Variants in WASHC5 observed in about 807,000 individuals in gnomAD.
WASHC5 encodes the protein WASH complex subunit 5.
A neutral mutation model predicts 150.4 loss-of-function variants in WASHC5; 101 were observed. The observed-to-expected ratio is 0.67, with a 90% confidence interval of 0.57 to 0.79. The LOEUF (loss-of-function observed/expected upper bound fraction) is 0.79. WASHC5 is among the 30% of genes least tolerant of loss of function. The pLI is 0.00. For synonymous variants in WASHC5, 467 were observed against 491.2 expected (o/e 0.95, Z 0.65); for missense variants, 1,195 against 1,396.3 (o/e 0.86, Z 2.30).
intron 1 of WASHC5, among the ~76,000 whole-genome samples, chr8:125,090,695 C>T (rs72720529): frequency 0.099 from 15,064 of 152,184 alleles, 809 homozygotes; most frequent in African/African-American, 0.12. Flanking sequence ...AATAATATTT[C>T]TTAAGGAAAT....
At chr8:125,058,830 C>T (rs4355790) in intron 14 of WASHC5, among the ~76,000 whole-genome samples, 16,984 of 152,106 alleles carry the variant, frequency 0.11, 2,233 homozygotes, top group African/African-American at 0.31. Context: ...ACCAATATTC[C>T]CTGTTACTGT....
chr8:125,061,343 C>G lies in WASHC5; in HGVS notation c.1409-149G>C, dbSNP rs1415152541. On this transcript the variant is annotated intron_variant, in intron 11 of 28. Transcript: ENST00000318410. ...GGAATTTTCCAAACGACAAAAATGC[C>G]TGGAGCATGCGACATAGTAGAATAA... The G allele has an allele frequency of 8.5e-6, 5 of 590,106 alleles. No homozygotes were observed. In the Admixed American group the frequency reaches 1.3e-4, roughly 16 times the overall value. The allele number at this position is 590,106 out of a possible 1,614,324, so 36.6% of individuals were successfully genotyped here.
intron 9 of WASHC5, among the ~76,000 whole-genome samples, chr8:125,072,185 T>C (rs1816915310): frequency 6.6e-6 from 1 of 151,570 alleles, no homozygotes; most frequent in African/African-American, 2.4e-5. Flanking sequence ...TACAAAAAAA[T>C]ACAAAAAACT....
intron 3 of WASHC5, 159 bp downstream of exon 3, chr8:125,082,954 A>G (rs531315172): frequency 3.6e-6 from 2 of 559,974 alleles, no homozygotes; most frequent in African/African-American, 3.8e-5. Context: ...CAAAATTCTT[A>G]AGATGACCAG....
At chr8:125,042,805 ATATC>A (rs1420435826) in intron 23 of WASHC5, among the ~76,000 whole-genome samples, 1 of 152,156 alleles carries the variant, frequency 6.6e-6, no homozygotes, top group Non-Finnish European at 1.5e-5. Context: ...TCACGAGAGG[ATATC>A]TAGCAGAGCC....
intron 14 of WASHC5, among the ~76,000 whole-genome samples, chr8:125,058,250 G>T (rs1037775452): frequency 2.0e-5 from 3 of 152,020 alleles, no homozygotes; most frequent in African/African-American, 7.2e-5. Context: ...GTTAAAATAT[G>T]AAAAGAATTG....
intron 17 of WASHC5, among the ~76,000 whole-genome samples, chr8:125,051,621 C>T (rs1816240637): frequency 6.6e-6 from 1 of 152,250 alleles, no homozygotes; most frequent in South Asian, 2.1e-4. Context: ...GGCGTGGTGA[C>T]TCACGCCTGT....
At position 125,047,303 on chromosome 8, in the gene WASHC5, G is replaced by C. The variant is rs1345393592; in HGVS notation, c.2408C>G (p.Ser803Cys). Residue 803 changes from serine to cysteine, a missense_variant, in exon 20 of 29, where the codon TCC becomes TGC. Around this residue, in one of 3 missense-constraint regions of WASHC5, gnomAD observed 997 missense variants for 1,168.1 expected, o/e 0.85. Transcript: ENST00000318410. ...AAACTTGGGTATTGGAATATGAGTG[G>C]ACTGGTACATGCTTTGCCAATCTTG... The part of the protein sequence containing the change: ...KIQDWQSMYQ[S>C]THIPIPKFTP... 1 of 1,613,756 alleles carries C rather than the reference G, an allele frequency of 6.2e-7. No individual in the cohort carries two copies.
rs1563614499 is a variant in WASHC5 at position 125,044,671 on chromosome 8, G to GTTCA, written c.2528_2531dup (p.Thr845GlufsTer5). The GTTCA allele has an allele frequency of 6.2e-7, 1 of 1,613,950 alleles. No homozygotes were observed. Among genetic ancestry groups the GTTCA allele is most frequent in the Non-Finnish European group, 8.5e-7 (1 of 1,179,946 alleles). ...GATGAGTTTTCATATCATACCAAGT[G>GTTCA]TTCAGCTGGTCTATGTGACATGTCA... On this transcript the variant is annotated frameshift_variant, in exon 21 of 29. Coordinates refer to ENST00000318410, the MANE Select transcript of WASHC5 (RefSeq NM_014846.4). LOFTEE classifies it high-confidence loss of function.
chr8:125,038,999 A>T, intron 24 of WASHC5, 40 bp from the exon 25 acceptor site: 1 of 1,600,874 alleles, frequency 6.2e-7, no homozygotes, highest in Non-Finnish European at 8.6e-7. Context: ...ATTAGTGAGT[A>T]AATGAATTTA....
At chr8:125,056,067 T>A (rs1816394982) in intron 16 of WASHC5, among the ~76,000 whole-genome samples, 1 of 152,220 alleles carries the variant, frequency 6.6e-6, no homozygotes, top group African/African-American at 2.4e-5. Context: ...CTAGCTATAC[T>A]GTTGAATCAG....
At chr8:125,070,758 G>A (rs1433252029) in intron 9 of WASHC5, among the ~76,000 whole-genome samples, 2 of 152,222 alleles carry the variant, frequency 1.3e-5, no homozygotes, top group Non-Finnish European at 2.9e-5. Context: ...TGGGTAAATT[G>A]TAAATGGATA....
intron 26 of WASHC5, 87 bp downstream of exon 26, chr8:125,037,150 C>T (rs1815733860): frequency 2.5e-6 from 2 of 808,368 alleles, no homozygotes. Context: ...TCATATCCGA[C>T]ATAGGCATTC....
chr8:125,044,679 G>C lies in WASHC5; in HGVS notation c.2524C>G (p.Gln842Glu). ...TTCATATCATACCAAGTGTTCAGCT[G>C]GTCTATGTGACATGTCATTCTAAAA... is the stretch of plus-strand genomic sequence containing the variant. ...TDPKMTCHID[Q>E]LNTWYDMKTH... The change falls in exon 21 of 29, where the codon CAG becomes GAG. Residue 842 changes from glutamine to glutamate, a missense_variant. Physicochemically the swap from Gln to Glu is conservative, Grantham distance 29. Around this residue, in one of 3 missense-constraint regions of WASHC5, gnomAD observed 997 missense variants for 1,168.1 expected, o/e 0.85. Transcript: ENST00000318410. 1 of 1,614,032 alleles carries C rather than the reference G, an allele frequency of 6.2e-7. No homozygotes were observed. The highest frequency in any genetic ancestry group is 1.1e-5 in the South Asian group (1 of 91,082).
At position 125,061,163 on chromosome 8, in the gene WASHC5, T is replaced by G. The variant is rs769191266; in HGVS notation, c.1440A>C (p.Ser480=). The change falls in exon 12 of 29, where the codon TCA becomes TCC. Residue 480 remains serine (S), a synonymous_variant. Transcript: ENST00000318410. ...ENLQAWFREI[S]KQILSLNYDD... is the part of the protein sequence containing the mutation. Reference sequence around the variant, plus strand: ...CATAATTTAAAGACAATATTTGTTTTGAGATCTCTCTGAACCAAGCTTGAA... The same window carrying G: ...CATAATTTAAAGACAATATTTGTTTGGAGATCTCTCTGAACCAAGCTTGAA... 6.2e-7 allele frequency: 1 copy of G among 1,609,882 alleles called. No individual in the cohort carries two copies. The highest frequency in any genetic ancestry group is 2.2e-5 in the East Asian group (1 of 44,822).
chr8:125,044,348 A>C (rs1030432259), intron 21 of WASHC5, 188 bp downstream of exon 21: 1 of 703,276 alleles, frequency 1.4e-6, no homozygotes, highest in Non-Finnish European at 2.4e-6. Flanking sequence ...TAATCCTAAA[A>C]GTACTATGCT....
chr8:125,080,554 AT>A (rs1335542989), intron 5 of WASHC5, among the ~76,000 whole-genome samples: 1 of 152,156 alleles, frequency 6.6e-6, no homozygotes, highest in African/African-American at 2.4e-5. Context: ...CTTTGTCCTA[AT>A]TTTTAAGTTT....
intron 10 of WASHC5, among the ~76,000 whole-genome samples, chr8:125,066,503 T>C (rs1402517765): frequency 6.6e-6 from 1 of 152,222 alleles, no homozygotes; most frequent in Admixed American, 6.5e-5. Flanking sequence ...ATTATGCCCA[T>C]ACAGGCTTCT....
intron 9 of WASHC5, among the ~76,000 whole-genome samples, chr8:125,069,173 CA>C: frequency 6.6e-6 from 1 of 152,286 alleles, no homozygotes; most frequent in South Asian, 2.1e-4. Context: ...TTAGTTATTC[CA>C]ACAGTGGCTT....
Sources: allele counts gnomAD v4.1 joint callset (sites outside exome capture counted in the v4.1 genomes callset), GRCh38; gene constraint gnomAD v4.1.1; regional missense constraint gnomAD v4.1.1; transcripts MANE v1.5; gene names NCBI Gene and HGNC (gene_info 2026-07-23, HGNC 2026-07-21).